The following TLR7 variants were observed in gnomAD, a reference collection of about 807,000 sequenced individuals.
TLR7 encodes the protein toll like receptor 7.
A neutral mutation model predicts 38.3 loss-of-function variants in TLR7; 12 were observed. That is an observed-to-expected ratio of 0.31 (90% CI 0.20 to 0.51). The LOEUF (loss-of-function observed/expected upper bound fraction) is 0.51. TLR7 is among the 20% of genes least tolerant of loss of function. The pLI is 0.98. For missense variants in TLR7, 504 were observed against 743.4 expected (o/e 0.68, Z 3.74); for synonymous variants, 285 against 293.8 (o/e 0.97, Z 0.31).
intron 2 of TLR7, among the ~76,000 whole-genome samples, chrX:12,874,396 T>C (rs2042863733): frequency 9.0e-6 from 1 of 111,689 alleles, no homozygotes; most frequent in Admixed American, 9.5e-5. Flanking sequence ...ATGTACTAGT[T>C]ATTTTTTTCC....
intron 2 of TLR7, among the ~76,000 whole-genome samples, chrX:12,874,255 G>A (rs1602434327): frequency 1.8e-5 from 2 of 111,320 alleles, no homozygotes; most frequent in East Asian, 5.6e-4. Flanking sequence ...GGTAGGCAGA[G>A]GTTGCGGTGA....
At chrX:12,876,051 C>T (rs977928010) in intron 2 of TLR7, among the ~76,000 whole-genome samples, 1 of 108,754 alleles carries the variant, frequency 9.2e-6, no homozygotes, top group Non-Finnish European at 1.9e-5. Flanking sequence ...CTCTGCCTCC[C>T]GAGTTCAAGC....
chrX:12,885,124 T>C (rs1171024611), intron 2 of TLR7, among the ~76,000 whole-genome samples: 1 of 112,603 alleles, frequency 8.9e-6, no homozygotes, highest in East Asian at 2.8e-4. Flanking sequence ...TAAATTGCAC[T>C]AAAGTCTTCA....
chrX:12,884,828 G>A (rs927921812), intron 2 of TLR7, among the ~76,000 whole-genome samples: 4 of 112,689 alleles, frequency 3.5e-5, no homozygotes, highest in Admixed American at 1.9e-4. Context: ...AACCCAATGT[G>A]TAGGGAAAAT....
chrX:12,867,366 A>T (rs1476238700), intron 1 of TLR7, 115 bp from the exon 2 acceptor site: 3 of 343,247 alleles, frequency 8.7e-6, no homozygotes, highest in East Asian at 8.5e-5. Flanking sequence ...GAGGAAGTAA[A>T]TACTGTAAAT....
chrX:12,868,096 C>G (rs2042840026), intron 2 of TLR7, among the ~76,000 whole-genome samples: 1 of 112,066 alleles, frequency 8.9e-6, no homozygotes, highest in African/African-American at 3.2e-5. Flanking sequence ...CAGAAAGAGA[C>G]CTCAGTATAG....
At position 12,876,112 on chromosome X, in the gene TLR7, C is replaced by G. The variant is rs1223816336; in HGVS notation, c.3+8531C>G. Among the ~76,000 whole-genome samples the G allele has an allele frequency of 2.7e-5, 3 of 110,526 alleles. No homozygotes were observed. The East Asian group carries it at 8.5e-4, about 31-fold the overall frequency. On this transcript the variant is annotated intron_variant, in intron 2 of 2. Coordinates refer to ENST00000380659, the MANE Select transcript of TLR7 (RefSeq NM_016562.4). ...TAGCTGGGATTACAGGTGCATGCCA[C>G]CATGCCCGGCTAATTTTGTATTTTT...
rs201163901 is a variant in TLR7, at chrX:12,885,547, T to C, written c.39T>C (p.Leu13=). 2.5e-6 allele frequency: 3 copies of C among 1,207,289 alleles called. No individual in the cohort carries two copies. The highest frequency in any genetic ancestry group is 1.7e-5 in the African/African-American group (1 of 57,755). Residue 13 remains leucine (L), a synonymous_variant, in exon 3 of 3, where the codon CTT becomes CTC. Transcript: ENST00000380659. The part of the protein sequence containing the change: ...FPMWTLKRQI[L]ILFNIILISK... ...TGTGGACACTGAAGAGACAAATTCTTATCCTTTTTAACATAATCCTAATTT... is the reference window on the plus strand; with the variant it reads ...TGTGGACACTGAAGAGACAAATTCTCATCCTTTTTAACATAATCCTAATTT...
chrX:12,886,344 T>C lies in TLR7; in HGVS notation c.836T>C (p.Leu279Pro), dbSNP rs759793723. 1 of 1,210,416 alleles carries C rather than the reference T, an allele frequency of 8.3e-7. No individual in the cohort carries two copies. Among genetic ancestry groups the C allele is most frequent in the African/African-American group, 1.7e-5 (1 of 57,345 alleles). The change falls in exon 3 of 3, where the codon CTA becomes CCA. Residue 279 changes from leucine to proline, a missense_variant. Coordinates refer to ENST00000380659, the MANE Select transcript of TLR7 (RefSeq NM_016562.4). The stretch of plus-strand genomic sequence containing the variant: ...GCGCCGTGTAAAAATAATTCTCCCC[T>C]ACAGATCCCTGTAAATGCTTTTGAT... The part of the protein sequence containing the change: ...PCAPCKNNSP[L>P]QIPVNAFDAL...
At chrX:12,872,537 AAGGGAGAGAGGGAGAAAC>A (rs1296975969) in intron 2 of TLR7, among the ~76,000 whole-genome samples, 1 of 107,835 alleles carries the variant, frequency 9.3e-6, no homozygotes, top group Non-Finnish European at 1.9e-5. Context: ...GGGTGAGAGA[AAGGGAGAGAGGGAGAAAC>A]AGGGAGAGAG....
At position 12,867,476 on chromosome X, in the gene TLR7, C is replaced by G. The variant is rs779271246; in HGVS notation, c.-98-5C>G. The G allele has an allele frequency of 2.3e-5, 16 of 699,439 alleles. No homozygotes were observed. Among genetic ancestry groups the G allele is most frequent in the Non-Finnish European group, 3.6e-5 (16 of 447,831 alleles). The allele number at this position is 699,439 out of a possible 1,213,427, so 57.6% of individuals were successfully genotyped here. A position where few individuals can be genotyped will look rare whatever the true frequency, so the allele number is the denominator to read the frequency against. On this transcript the variant is annotated splice_region_variant and splice_polypyrimidine_tract_variant and intron_variant, in intron 1 of 2. Transcript: ENST00000380659. ...GTAAACTTTGATGTCTTCTCTTTCT[C>G]TTAGTTGATGCTATTGGGCCCATCT...
At position 12,887,346 on chromosome X, in the gene TLR7, G is replaced by A; in HGVS notation, c.1838G>A (p.Ser613Asn). ...GACAATGACATCTCTTCCTCCACCA[G>A]CAGGACCATGGAGAGTGAGTCTCTT... ...MNDNDISSST[S>N]RTMESESLRT... The change falls in exon 3 of 3, where the codon AGC becomes AAC. Residue 613 changes from serine (S) to asparagine (N), a missense_variant. Ser to Asn is a conservative substitution (Grantham distance 46, BLOSUM62 1). Coordinates refer to ENST00000380659, the MANE Select transcript of TLR7 (RefSeq NM_016562.4). The A allele has an allele frequency of 8.3e-7, 1 of 1,211,605 alleles. No homozygotes were observed. Among genetic ancestry groups the A allele is most frequent in the South Asian group, 1.8e-5 (1 of 57,000 alleles).
intron 2 of TLR7, among the ~76,000 whole-genome samples, chrX:12,884,126 G>A: frequency 9.0e-6 from 1 of 111,207 alleles, no homozygotes; most frequent in South Asian, 3.8e-4. Context: ...CTACAGTTGT[G>A]TGCCACCATG....
chrX:12,870,818 T>C (rs1318764218), intron 2 of TLR7, among the ~76,000 whole-genome samples: 1 of 112,743 alleles, frequency 8.9e-6, no homozygotes, highest in East Asian at 2.8e-4. Context: ...TGCACTACGA[T>C]GGCAAACTAT....
rs1232515263 is a variant in TLR7 at position 12,886,229 on chromosome X, CAAG to C, written c.726_728del (p.Glu242del). 8 of 1,211,301 alleles carry C rather than the reference CAAG, an allele frequency of 6.6e-6. No individual in the cohort carries two copies. Among genetic ancestry groups the C allele is most frequent in the Non-Finnish European group, 8.9e-6 (8 of 895,315 alleles). ...CTACAACAACATGATTGCAAAAATCCAAGAAGATGATTTTAATAACCTCAACCA... is the reference window on the plus strand; with the variant it reads ...CTACAACAACATGATTGCAAAAATCCAAGATGATTTTAATAACCTCAACCA... On this transcript the variant is annotated inframe_deletion, in exon 3 of 3. Coordinates refer to ENST00000380659, the MANE Select transcript of TLR7 (RefSeq NM_016562.4).
intron 2 of TLR7, among the ~76,000 whole-genome samples, chrX:12,871,561 C>T (rs72552312): frequency 0.01 from 1,144 of 112,259 alleles, 20 homozygotes; most frequent in African/African-American, 0.035. Context: ...GCAGGCTCCC[C>T]GCCATCACAG....
intron 2 of TLR7, among the ~76,000 whole-genome samples, chrX:12,873,394 C>A (rs182391832): frequency 8.9e-6 from 1 of 112,321 alleles, no homozygotes; most frequent in Non-Finnish European, 1.9e-5. Context: ...AGAACATAAG[C>A]TATAGTTGAG....
intron 2 of TLR7, among the ~76,000 whole-genome samples, chrX:12,879,546 C>G (rs140363570): frequency 8.9e-6 from 1 of 111,939 alleles, no homozygotes; most frequent in African/African-American, 3.2e-5. Flanking sequence ...TCTACGTCAT[C>G]TAACTGGTTG....
Position 12,886,561 on chromosome X carries a change from T to C in TLR7, c.1053T>C (p.Phe351=), listed in dbSNP as rs200549906. 1.6e-5 allele frequency: 19 copies of C among 1,211,984 alleles called. No individual in the cohort carries two copies. Among genetic ancestry groups the C allele is most frequent in the Non-Finnish European group, 2.0e-5 (18 of 895,522 alleles). The change falls in exon 3 of 3, where the codon TTT becomes TTC. Residue 351 remains phenylalanine (F), a synonymous_variant. Coordinates refer to ENST00000380659, the MANE Select transcript of TLR7 (RefSeq NM_016562.4). ...SLIQLDLSFN[F]ELQVYRASMN... is the part of the protein sequence containing the mutation. ...TCCAATTGGATCTGTCTTTCAATTT[T>C]GAACTTCAGGTCTATCGTGCATCTA...
Sources: allele counts gnomAD v4.1 joint callset (sites outside exome capture counted in the v4.1 genomes callset), GRCh38; gene constraint gnomAD v4.1.1; transcripts MANE v1.5; gene names NCBI Gene and HGNC (gene_info 2026-07-23, HGNC 2026-07-21).